The following UBE2D4 variants were observed in gnomAD, a reference collection of about 807,000 sequenced individuals.
UBE2D4 encodes ubiquitin-conjugating enzyme E2 D4.
UBE2D4 carries 17 observed loss-of-function variants against 23.0 expected under a neutral mutation model. The ratio of observed to expected loss-of-function variants is 0.74; its 90% CI spans 0.51 to 1.11. The LOEUF is 1.11. Among genes scored for constraint, UBE2D4 ranks in the 50% least tolerant of loss-of-function variants. The pLI, the probability that UBE2D4 is intolerant of heterozygous loss-of-function variation, is 0.00. For missense variants in UBE2D4, 139 were observed against 181.8 expected, an observed-to-expected ratio of 0.76 and a Z score of 1.35; for synonymous variants, 61 against 69.4, an observed-to-expected ratio of 0.88 and a Z score of 0.60.
intron 5 of UBE2D4, chr7:43,949,121 G>T: frequency 3.2e-6 from 1 of 312,398 alleles, no homozygotes; most frequent in Non-Finnish European, 5.9e-6. Flanking sequence ...CCTGAAGGAA[G>T]ATACAGGGCA....
chr7:43,933,343 T>A (rs1252048593), intron 1 of UBE2D4, among the ~76,000 whole-genome samples: 1 of 152,124 alleles, frequency 6.6e-6, no homozygotes, highest in East Asian at 1.9e-4. Context: ...CCTGTTATTC[T>A]GTAGTCTTTA....
At chr7:43,943,319 T>G in intron 4 of UBE2D4, 1 of 545,722 alleles carries the variant, frequency 1.8e-6, no homozygotes, top group African/African-American at 1.9e-5. Flanking sequence ...CTCCAGGCTC[T>G]GGCTCCCTTC....
intron 1 of UBE2D4, among the ~76,000 whole-genome samples, chr7:43,929,310 C>T (rs1189343975): frequency 1.3e-5 from 2 of 151,902 alleles, no homozygotes; most frequent in African/African-American, 2.4e-5. Context: ...GCCTGTAATC[C>T]CAGCTACTTG....
At chr7:43,927,076 G>C (rs2095933114) in intron 1 of UBE2D4, among the ~76,000 whole-genome samples, 1 of 152,210 alleles carries the variant, frequency 6.6e-6, no homozygotes, top group African/African-American at 2.4e-5. Flanking sequence ...TATCCTGCAG[G>C]TAAGAGGGAG....
chr7:43,952,582 C>G, intron 6 of UBE2D4, 68 bp from the exon 7 acceptor site: 1 of 1,388,446 alleles, frequency 7.2e-7, no homozygotes, highest in South Asian at 1.2e-5. Context: ...GTCCTGTTCT[C>G]TGCAGCACAT....
intron 1 of UBE2D4, among the ~76,000 whole-genome samples, chr7:43,933,033 C>CAT: frequency 7.4e-6 from 1 of 134,972 alleles, no homozygotes; most frequent in African/African-American, 2.8e-5. Context: ...TATATATACA[C>CAT]ATATGTATGT....
intron 5 of UBE2D4, 199 bp downstream of exon 5, chr7:43,948,936 C>T (rs529393307): frequency 4.7e-5 from 26 of 548,782 alleles, no homozygotes; most frequent in East Asian, 4.3e-4. Context: ...CGCTCCCTGG[C>T]GCTTCTCAGC....
chr7:43,950,160 A>G (rs896106472), intron 5 of UBE2D4, among the ~76,000 whole-genome samples: 1 of 152,160 alleles, frequency 6.6e-6, no homozygotes, highest in Non-Finnish European at 1.5e-5. Flanking sequence ...CTGGTCCAGA[A>G]TCTCATTTTA....
intron 6 of UBE2D4, chr7:43,951,851 T>G (rs2096003199): frequency 6.6e-6 from 1 of 152,240 alleles, no homozygotes. Flanking sequence ...ATATTTTTCT[T>G]AAGACCTTTA....
chr7:43,948,535 T>G (rs2095993726), intron 4 of UBE2D4, 97 bp from the exon 5 acceptor site: 1 of 787,354 alleles, frequency 1.3e-6, no homozygotes, highest in African/African-American at 1.7e-5. Context: ...TGCAGCACAC[T>G]CCAGGTACTG....
intron 1 of UBE2D4, among the ~76,000 whole-genome samples, chr7:43,937,167 T>C (rs1362669532): frequency 6.6e-6 from 1 of 152,146 alleles, no homozygotes; most frequent in Non-Finnish European, 1.5e-5. Context: ...TGGAGGGGAA[T>C]TGGTCTGTAC....
rs1241876445 is a variant in UBE2D4, at chr7:43,950,617, C to T, written c.323C>T (p.Ser108Leu). 1.5e-5 allele frequency: 25 copies of T among 1,614,200 alleles called. No individual in the cohort carries two copies. Among genetic ancestry groups the T allele is most frequent in the Non-Finnish European group, 1.9e-5 (23 of 1,180,008 alleles). Residue 108 changes from serine (S) to leucine (L), a missense_variant, in exon 6 of 7, where the codon TCG (serine) becomes TTG (leucine). Coordinates refer to ENST00000222402, the MANE Select transcript of UBE2D4 (RefSeq NM_015983.4). ...TTCCCAGTTCTCTTGTCCATCTGCT[C>T]GCTGCTCTGCGACCCCAACCCCGAT... ...TVSKVLLSIC[S>L]LLCDPNPDDP...
At chr7:43,943,295 G>A (rs2095977670) in intron 4 of UBE2D4, 2 of 574,218 alleles carry the variant, frequency 3.5e-6, no homozygotes, top group East Asian at 5.8e-5. Context: ...GACTGTAGCT[G>A]AGTCTGGTCA....
intron 4 of UBE2D4, chr7:43,947,372 C>T (rs2095990404): frequency 6.6e-6 from 1 of 152,138 alleles, no homozygotes; most frequent in African/African-American, 2.4e-5. Context: ...CTCAGGTGAT[C>T]CGCCTGTCTC....
chr7:43,943,117 G>C (rs771243608), intron 4 of UBE2D4, 86 bp downstream of exon 4: 426 of 1,366,878 alleles, frequency 3.1e-4, no homozygotes, highest in Non-Finnish European at 4.1e-4. Context: ...TAGGTAAAAA[G>C]AGCTGTACGT....
At chr7:43,929,657 G>A (rs765312463) in intron 1 of UBE2D4, among the ~76,000 whole-genome samples, 5 of 152,056 alleles carry the variant, frequency 3.3e-5, no homozygotes, top group Non-Finnish European at 7.4e-5. Flanking sequence ...CTTCATGTGT[G>A]TGTGACGCAT....
rs2595649 is a variant in UBE2D4, at chr7:43,930,443, T to G, written c.24+3887T>G. ...AAATTGAATATTTTTAGATGCACTT[T>G]TTAGTTAGTTAGTTAGTTAGTTAGT... On this transcript the variant is annotated intron_variant, in intron 1 of 6. Transcript: ENST00000222402. Among the ~76,000 whole-genome samples the G allele has an allele frequency of 3.3e-3, 498 of 152,196 alleles. 27 individuals carry two copies. The East Asian group carries it at 0.084, about 26-fold the overall frequency.
chr7:43,946,879 CTTTTT>C (rs934547842), intron 4 of UBE2D4, among the ~76,000 whole-genome samples: 1 of 148,160 alleles, frequency 6.7e-6, no homozygotes, highest in Non-Finnish European at 1.5e-5. Flanking sequence ...TTCTCTTTTT[CTTTTT>C]TTTTTATTAT....
At chr7:43,950,731 C>T (rs1237116552) in intron 6 of UBE2D4, 39 bp downstream of exon 6, 1 of 1,526,030 alleles carries the variant, frequency 6.6e-7, no homozygotes, top group Non-Finnish European at 9.1e-7. Context: ...ACCATGGCTG[C>T]CCCAGGCAGC....
Sources: gnomAD v4.1 joint callset for allele counts (sites outside exome capture counted in the v4.1 genomes callset) on GRCh38, gnomAD v4.1.1 for gene constraint, MANE v1.5 for transcripts, NCBI Gene and HGNC (gene_info 2026-07-23, HGNC 2026-07-21) for gene names.